WDR76: variants seen among roughly 807,000 people sequenced by gnomAD.
WDR76 encodes WD repeat domain 76.
In WDR76, 52 loss-of-function variants were observed where a neutral mutation model predicts 70.2. The observed-to-expected ratio is 0.74, with a 90% CI of 0.59 to 0.93. The LOEUF is 0.93. Among genes scored for constraint, WDR76 ranks in the 40% least tolerant of loss-of-function variants. The pLI is 0.00. For missense variants in WDR76, 756 were observed against 760.2 expected (o/e 0.99, Z 0.07); for synonymous variants, 292 against 271.1 (o/e 1.08, Z -0.76).
intron 12 of WDR76, among the ~76,000 whole-genome samples, chr15:43,861,857 G>A (rs1595455323): frequency 8.3e-6 from 1 of 121,190 alleles, no homozygotes; most frequent in South Asian, 2.7e-4. Flanking sequence ...TTTTTTTTGA[G>A]ATGGAGTGTC....
chr15:43,831,625 A>G (rs2087589824), intron 2 of WDR76, among the ~76,000 whole-genome samples: 2 of 151,746 alleles, frequency 1.3e-5, no homozygotes, highest in South Asian at 4.2e-4. Flanking sequence ...TTTTTAGTGG[A>G]GAAGGGGTTT....
intron 4 of WDR76, among the ~76,000 whole-genome samples, chr15:43,837,859 C>G (rs1014979496): frequency 1.4e-5 from 2 of 146,108 alleles, no homozygotes; most frequent in African/African-American, 5.1e-5. Context: ...GGTAATATTT[C>G]CTTGCATTTA....
At chr15:43,828,475 A>G (rs1295558012) in intron 2 of WDR76, 109 bp downstream of exon 2, 5 of 961,428 alleles carry the variant, frequency 5.2e-6, no homozygotes, top group Non-Finnish European at 6.0e-6. Flanking sequence ...TTATTTCATC[A>G]TCTAATGTAA....
chr15:43,835,255 C>A, intron 3 of WDR76, 105 bp downstream of exon 3: 2 of 1,013,504 alleles, frequency 2.0e-6, no homozygotes, highest in Non-Finnish European at 3.0e-6. Context: ...TCGCTTGAGG[C>A]CAGGAGTTCG....
At chr15:43,849,371 C>G (rs1237496188) in intron 8 of WDR76, among the ~76,000 whole-genome samples, 1 of 152,006 alleles carries the variant, frequency 6.6e-6, no homozygotes. Context: ...GCTTCATTTT[C>G]TTATATTATT....
chr15:43,863,381 T>C (rs947681748), intron 12 of WDR76, among the ~76,000 whole-genome samples: 5 of 152,276 alleles, frequency 3.3e-5, no homozygotes, highest in Non-Finnish European at 5.9e-5. Flanking sequence ...ATGAGAACAC[T>C]TAAAATCTGT....
At chr15:43,851,329 T>C in intron 9 of WDR76, 84 bp downstream of exon 9, 1 of 1,543,512 alleles carries the variant, frequency 6.5e-7, no homozygotes, top group Non-Finnish European at 8.8e-7. Context: ...TTATACCAAT[T>C]GGGAGAAGTG....
chr15:43,829,813 G>C (rs1294046613), intron 2 of WDR76, among the ~76,000 whole-genome samples: 1 of 151,736 alleles, frequency 6.6e-6, no homozygotes, highest in African/African-American at 2.4e-5. Context: ...GCCTAGCACG[G>C]GTACTTCTAA....
At chr15:43,841,383 G>A (rs1270650743) in intron 5 of WDR76, among the ~76,000 whole-genome samples, 2 of 152,000 alleles carry the variant, frequency 1.3e-5, no homozygotes, top group East Asian at 3.9e-4. Context: ...ATTTTTAGTA[G>A]AGATGGGGTT....
intron 9 of WDR76, among the ~76,000 whole-genome samples, chr15:43,853,957 A>T (rs1465472446): frequency 6.6e-6 from 1 of 152,144 alleles, no homozygotes; most frequent in Non-Finnish European, 1.5e-5. Flanking sequence ...AAATAAGCAC[A>T]TGAAAAGATT....
At chr15:43,856,813 T>G in intron 9 of WDR76, 133 bp from the exon 10 acceptor site, 1 of 717,950 alleles carries the variant, frequency 1.4e-6, no homozygotes, top group Non-Finnish European at 2.3e-6. Flanking sequence ...CCTGTGCATC[T>G]GATGGGGATG....
chr15:43,858,945 G>A (rs924197417), intron 11 of WDR76, 122 bp downstream of exon 11: 2 of 1,260,118 alleles, frequency 1.6e-6, no homozygotes, highest in East Asian at 4.9e-5. Context: ...TTGTTTAGTA[G>A]TCATATGTAG....
intron 4 of WDR76, among the ~76,000 whole-genome samples, chr15:43,839,129 G>C (rs1413366565): frequency 6.6e-6 from 1 of 152,152 alleles, no homozygotes; most frequent in Non-Finnish European, 1.5e-5. Flanking sequence ...TACAGTGTAT[G>C]GAAGGGAATG....
rs1255589546 is a variant in WDR76, at chr15:43,866,165, C to T, written c.1654C>T (p.Gln552Ter). Reference protein sequence around the residue: ...TFTGRWLTRFQAMWDPKQEDC... With the variant: ...TFTGRWLTRF Reference sequence around the variant, plus strand: ...CACTGGGCGATGGCTGACCAGGTTCCAAGCCATGTGGGATCCTAAACAAGA... The same window carrying T: ...CACTGGGCGATGGCTGACCAGGTTCTAAGCCATGTGGGATCCTAAACAAGA... Residue 552 changes from glutamine (Q) to a stop codon, truncating the protein, a stop_gained, in exon 13 of 13, where the codon CAA becomes TAA. Coordinates refer to ENST00000263795, the MANE Select transcript of WDR76 (RefSeq NM_024908.4). LOFTEE classifies it high-confidence loss of function. The T allele has an allele frequency of 6.2e-7, 1 of 1,614,208 alleles. No homozygotes were observed.
At chr15:43,840,638 A>C (rs2087713109) in intron 5 of WDR76, among the ~76,000 whole-genome samples, 1 of 152,204 alleles carries the variant, frequency 6.6e-6, no homozygotes. Flanking sequence ...TATGGGAAGC[A>C]GCATAGAAGA....
chr15:43,846,280 CTTTT>C (rs36022657), intron 8 of WDR76, among the ~76,000 whole-genome samples: 1 of 139,108 alleles, frequency 7.2e-6, no homozygotes, highest in African/African-American at 2.6e-5. Context: ...TGGATAGAGA[CTTTT>C]TTTTTTTTTT....
rs566302660 is a variant in WDR76, at chr15:43,853,821, G to A, written c.1191+2576G>A. ...CTGGGGACGCTGAGGCAGGAGAATC[G>A]CTTGAACCCGGGAGGTGGAGTTTGC... On this transcript the variant is annotated intron_variant, in intron 9 of 12. Transcript: ENST00000263795. Among the ~76,000 whole-genome samples the A allele has an allele frequency of 3.3e-3, 490 of 150,132 alleles. 3 individuals carry two copies. Among genetic ancestry groups the A allele is most frequent in the African/African-American group, 0.011 (439 of 40,918 alleles).
At chr15:43,836,673 C>G (rs1052109826) in intron 4 of WDR76, among the ~76,000 whole-genome samples, 1 of 152,068 alleles carries the variant, frequency 6.6e-6, no homozygotes, top group Non-Finnish European at 1.5e-5. Flanking sequence ...TCTCATTTAA[C>G]TCTGACAACC....
In WDR76 at chr15:43,859,490, A is replaced by G. The variant is rs146192219; in HGVS notation, c.1562+667A>G. On this transcript the variant is annotated intron_variant, in intron 11 of 12. Coordinates refer to ENST00000263795, the MANE Select transcript of WDR76 (RefSeq NM_024908.4). ...GTTTATGAGAGTTTTACCTTAAGTGATTTTGGAATTCATATATTATTCAGT... is the reference window on the plus strand; with the variant it reads ...GTTTATGAGAGTTTTACCTTAAGTGGTTTTGGAATTCATATATTATTCAGT... Among the ~76,000 whole-genome samples, 413 of 152,316 alleles carry G rather than the reference A, an allele frequency of 2.7e-3. 3 individuals are homozygous for G. Among genetic ancestry groups the G allele is most frequent in the African/African-American group, 9.4e-3 (389 of 41,576 alleles).
Sources: allele counts gnomAD v4.1 joint callset (sites outside exome capture counted in the v4.1 genomes callset), GRCh38; gene constraint gnomAD v4.1.1; transcripts MANE v1.5; gene names NCBI Gene and HGNC (gene_info 2026-07-23, HGNC 2026-07-21).